Variants in SEMA3D observed in about 807,000 individuals in gnomAD.
SEMA3D encodes the protein semaphorin 3D.
A neutral mutation model predicts 100.1 loss-of-function variants in SEMA3D; 84 were observed. That is an observed-to-expected ratio of 0.84 (90% confidence interval 0.70 to 1.01). SEMA3D has a LOEUF of 1.01. SEMA3D is among the 50% of genes least tolerant of loss of function. SEMA3D has a pLI of 0.00. For missense variants in SEMA3D, 875 were observed against 934.1 expected (o/e 0.94, Z 0.82); for synonymous variants, 312 against 320.7 (o/e 0.97, Z 0.29).
intron 9 of SEMA3D, among the ~76,000 whole-genome samples, chr7:85,055,364 A>G (rs1035111974): frequency 3.3e-5 from 5 of 152,068 alleles, no homozygotes; most frequent in South Asian, 2.1e-4. Flanking sequence ...AATAGCAATC[A>G]CTGGCAAAAG....
intron 12 of SEMA3D, chr7:85,029,279 G>A (rs567595244): frequency 2.3e-5 from 20 of 876,378 alleles, no homozygotes; most frequent in Non-Finnish European, 3.5e-5. Flanking sequence ...GATGACAAGG[G>A]CCATTTGAGC....
chr7:85,168,820 TGAAAGAAAGAAAGAAAGAAA>T (rs59563448), intron 1 of SEMA3D, among the ~76,000 whole-genome samples: 7,682 of 121,058 alleles, frequency 0.063, 314 homozygotes, highest in African/African-American at 0.11. Flanking sequence ...GAAAGAAAGA[TGAAAGAAAGAAAGAAAGAAA>T]GAAAGAAAGA....
intron 17 of SEMA3D, among the ~76,000 whole-genome samples, chr7:85,009,042 T>C (rs1789879881): frequency 6.6e-6 from 1 of 151,752 alleles, no homozygotes; most frequent in Non-Finnish European, 1.5e-5. Context: ...TCCCAGGCAT[T>C]TCAGATAAGG....
rs542749394 is a variant in SEMA3D at position 85,133,857 on chromosome 7, C to T, written c.-40-11926G>A. 6.6e-5 allele frequency among the ~76,000 whole-genome samples: 10 copies of T among 152,068 alleles called. No homozygotes were observed. The South Asian group carries it at 2.1e-3, about 32-fold the overall frequency. ...AGTATCTTCTCTGGCACATAGCTAG[C>T]TCTAACAAATGTTAGCTTAATGGTC... On this transcript the variant is annotated intron_variant, in intron 2 of 18. Coordinates refer to ENST00000284136, the MANE Select transcript of SEMA3D (RefSeq NM_001384900.1).
At chr7:85,200,851 G>C in the SEMA3D span, among the ~76,000 whole-genome samples, 26 of 152,280 alleles carry the variant, frequency 1.7e-4, no homozygotes, top group African/African-American at 6.3e-4. Flanking sequence ...TAGGGACTTG[G>C]GGCCCTGCAT....
At chr7:85,151,703 G>A (rs1351397024) in intron 2 of SEMA3D, 2 of 979,750 alleles carry the variant, frequency 2.0e-6, no homozygotes, top group Non-Finnish European at 2.4e-6. Context: ...AAAGCATCTT[G>A]TACTGGTAGA....
the SEMA3D span, among the ~76,000 whole-genome samples, chr7:85,239,740 T>C: frequency 6.6e-6 from 1 of 152,222 alleles, no homozygotes; most frequent in Non-Finnish European, 1.5e-5. Flanking sequence ...TTGTAGTCGA[T>C]AGCTACTACC....
intron 18 of SEMA3D, among the ~76,000 whole-genome samples, chr7:85,003,059 G>A (rs770834136): frequency 2.0e-5 from 3 of 151,954 alleles, no homozygotes; most frequent in Non-Finnish European, 4.4e-5. Context: ...AATAAAGAAA[G>A]CTCCTTGTGT....
chr7:85,052,865 A>G (rs1791205675), intron 9 of SEMA3D, among the ~76,000 whole-genome samples: 1 of 152,006 alleles, frequency 6.6e-6, no homozygotes, highest in African/African-American at 2.4e-5. Context: ...AAAAGTGAAA[A>G]GATTCACACT....
rs146129327 is a variant in SEMA3D, at chr7:85,003,882, C to T, written c.1908+2920G>A. On this transcript the variant is annotated intron_variant, in intron 18 of 18. Coordinates refer to ENST00000284136, the MANE Select transcript of SEMA3D (RefSeq NM_001384900.1). ...TTTTGCCTCAGGGATTCATAACAGA[C>T]ACTAATACAGTGATTTTTATGTGAA... is the stretch of plus-strand genomic sequence containing the variant. Among the ~76,000 whole-genome samples the T allele has an allele frequency of 8.2e-3, 1,251 of 152,130 alleles. 8 individuals carry two copies. The highest frequency in any genetic ancestry group is 0.012 in the Admixed American group (184 of 15,264).
In SEMA3D at chr7:85,176,793, TAG is replaced by T. The variant is rs71297126; in HGVS notation, c.-173+9883_-173+9884del. ...GTGTATTTGTATACATATATATATA[TAG>T]AGAGAGAGAGAGAGAGAGAGAATTG... On this transcript the variant is annotated intron_variant, in intron 1 of 18. Coordinates refer to ENST00000284136, the MANE Select transcript of SEMA3D (RefSeq NM_001384900.1). 5.5e-3 allele frequency among the ~76,000 whole-genome samples: 817 copies of T among 149,786 alleles called. 3 individuals carry two copies. The highest frequency in any genetic ancestry group is 4.2e-3 in the Non-Finnish European group (283 of 67,404).
intron 3 of SEMA3D, among the ~76,000 whole-genome samples, chr7:85,108,747 A>G (rs899747907): frequency 2.0e-5 from 3 of 152,088 alleles, no homozygotes; most frequent in East Asian, 1.9e-4. Flanking sequence ...AATTTATGCA[A>G]TGTGGCCACA....
intron 5 of SEMA3D, among the ~76,000 whole-genome samples, chr7:85,074,206 C>T (rs989071601): frequency 6.6e-6 from 1 of 152,106 alleles, no homozygotes; most frequent in African/African-American, 2.4e-5. Flanking sequence ...AAGTTGGTAA[C>T]CTGAGAAACC....
intron 3 of SEMA3D, among the ~76,000 whole-genome samples, chr7:85,108,850 T>C (rs1789006828): frequency 6.6e-6 from 1 of 152,010 alleles, no homozygotes; most frequent in Admixed American, 6.6e-5. Flanking sequence ...ATGACCTGTT[T>C]AGTTTAAACC....
chr7:85,239,575 T>C, the SEMA3D span, among the ~76,000 whole-genome samples: 1 of 152,170 alleles, frequency 6.6e-6, no homozygotes, highest in South Asian at 2.1e-4. Flanking sequence ...AGAGTCGACA[T>C]TTCTATGAGC....
At chr7:85,250,086 C>T in the SEMA3D span, among the ~76,000 whole-genome samples, 6 of 152,206 alleles carry the variant, frequency 3.9e-5, no homozygotes, top group Admixed American at 2.6e-4. Context: ...GTTCCCTTTC[C>T]TAGTCAAAGA....
intron 3 of SEMA3D, among the ~76,000 whole-genome samples, chr7:85,116,278 T>G (rs924577821): frequency 6.8e-6 from 1 of 147,036 alleles, no homozygotes; most frequent in Non-Finnish European, 1.5e-5. Flanking sequence ...TGTATACAAT[T>G]GTATACATAT....
At chr7:85,081,338 TATC>T (rs1380691196) in intron 5 of SEMA3D, among the ~76,000 whole-genome samples, 176 bp downstream of exon 5, 2 of 152,220 alleles carry the variant, frequency 1.3e-5, no homozygotes, top group African/African-American at 2.4e-5. Context: ...TTATAAATAA[TATC>T]ATGGCTTTTG....
rs200041671 is a variant in SEMA3D, at chr7:85,160,202, G to GT, written c.-172-6464dup. Among the ~76,000 whole-genome samples, 413 of 145,786 alleles carry GT rather than the reference G, an allele frequency of 2.8e-3. 3 individuals carry two copies. Among genetic ancestry groups the GT allele is most frequent in the African/African-American group, 9.1e-3 (375 of 41,072 alleles). On this transcript the variant is annotated intron_variant, in intron 1 of 18. Coordinates refer to ENST00000284136, the MANE Select transcript of SEMA3D (RefSeq NM_001384900.1). ...ATTATATAAATACAAGTAAATACGT[G>GT]TTTTTTTTACCATTGAAGTGTGAAC...
Sources: gnomAD v4.1 joint callset for allele counts (sites outside exome capture counted in the v4.1 genomes callset) on GRCh38, gnomAD v4.1.1 for gene constraint, MANE v1.5 for transcripts, NCBI Gene and HGNC (gene_info 2026-07-23, HGNC 2026-07-21) for gene names.